Variants in C21orf58 observed in about 807,000 individuals in gnomAD.
C21orf58 encodes uncharacterized protein C21orf58.
In C21orf58, 34 loss-of-function variants were observed where a neutral mutation model predicts 35.8. That is an observed-to-expected ratio of 0.95 (90% CI 0.72 to 1.26). The LOEUF (loss-of-function observed/expected upper bound fraction) is 1.26. Among genes scored for constraint, C21orf58 ranks in the 50% most tolerant of loss-of-function variants. The pLI, the probability that C21orf58 is intolerant of heterozygous loss-of-function variation, is 0.00. For missense variants in C21orf58, 440 were observed against 414.3 expected (o/e 1.06, Z -0.54); for synonymous variants, 191 against 175.8 (o/e 1.09, Z -0.68).
chr21:46,301,404 C>T lies in C21orf58; in HGVS notation c.*595G>A, dbSNP rs1601618991. 1.1e-6 allele frequency: 1 copy of T among 899,178 alleles called. No individual in the cohort carries two copies. 55.7% of individuals were successfully genotyped at this position (899,178 alleles called of 1,614,324 possible). ...TCAAGTGATCCTCCTGCCTCAGCCT[C>T]TTAAAGTGCTGGGATTACAGGCATG... is the stretch of plus-strand genomic sequence containing the variant. On this transcript the variant is annotated 3_prime_UTR_variant, in exon 8 of 8. Coordinates refer to ENST00000291691, the MANE Select transcript of C21orf58 (RefSeq NM_058180.5).
intron 6 of C21orf58, 119 bp from the exon 7 acceptor site, chr21:46,302,695 G>A (rs904281970): frequency 3.7e-6 from 3 of 818,206 alleles, no homozygotes; most frequent in Admixed American, 2.2e-5. Flanking sequence ...GGTCCCCGGG[G>A]CAGGCTCTGA....
chr21:46,312,988 T>C lies in C21orf58; in HGVS notation c.610-1421A>G. Reference sequence around the variant, plus strand: ...ATATTCGAGCATGAAAGGCCTTCTGTTTTATCCTCTTCTAGCTGTGTGAGG... The same window carrying C: ...ATATTCGAGCATGAAAGGCCTTCTGCTTTATCCTCTTCTAGCTGTGTGAGG... On this transcript the variant is annotated intron_variant, in intron 5 of 7. Coordinates refer to ENST00000291691, the MANE Select transcript of C21orf58 (RefSeq NM_058180.5). The C allele has an allele frequency of 3.0e-6, 3 of 985,430 alleles. No homozygotes were observed. In the South Asian group the frequency reaches 1.4e-4, roughly 46 times the overall value. 61.0% of individuals were successfully genotyped at this position (985,430 alleles called of 1,614,324 possible). A position where few individuals can be genotyped will look rare whatever the true frequency, so the allele number is the denominator to read the frequency against.
chr21:46,318,691 G>A (rs887624616), intron 1 of C21orf58: 4 of 1,047,562 alleles, frequency 3.8e-6, no homozygotes, highest in Non-Finnish European at 4.6e-6. Flanking sequence ...GAAATTGCAG[G>A]CAGCAGAAGG....
chr21:46,313,758 C>T (rs2082845949), intron 5 of C21orf58, among the ~76,000 whole-genome samples: 1 of 152,150 alleles, frequency 6.6e-6, no homozygotes, highest in East Asian at 1.9e-4. Context: ...TCGGAGGCTC[C>T]CCTTCCCTCT....
chr21:46,301,465 G>A lies in C21orf58; in HGVS notation c.*534C>T, dbSNP rs1187757651. 2.5e-5 allele frequency: 22 copies of A among 869,096 alleles called. No individual in the cohort carries two copies. The highest frequency in any genetic ancestry group is 2.8e-5 in the Non-Finnish European group (22 of 781,360). The allele number at this position is 869,096 out of a possible 1,614,324, so 53.8% of individuals were successfully genotyped here. On this transcript the variant is annotated 3_prime_UTR_variant, in exon 8 of 8. Coordinates refer to ENST00000291691, the MANE Select transcript of C21orf58 (RefSeq NM_058180.5). ...CCCTACTTCTTTAGTGGGAGTCTGT[G>A]CCACAGCTGTGGACACAGGTGTCCC...
At chr21:46,312,981 C>G in intron 5 of C21orf58, 1 of 985,320 alleles carries the variant, frequency 1.0e-6, no homozygotes, top group Non-Finnish European at 1.2e-6. Flanking sequence ...GCATGAAAGG[C>G]CTTCTGTTTT....
Position 46,322,987 on chromosome 21 carries a change from CAAAG to C in C21orf58, c.-253_-250del. ...GCGCACGAACAGGCCCGGAGGACTA[CAAAG>C]AAACCCAGAAACCAGACTTGGACAC... On this transcript the variant is annotated 5_prime_UTR_variant, in exon 1 of 8. The change abolishes the stop of an existing upstream ORF in the 5' untranslated region. Coordinates refer to ENST00000291691, the MANE Select transcript of C21orf58 (RefSeq NM_058180.5). The C allele has an allele frequency of 2.9e-6, 1 of 347,642 alleles. No homozygotes were observed. Among genetic ancestry groups the C allele is most frequent in the Non-Finnish European group, 5.2e-6 (1 of 192,922 alleles). The allele number at this position is 347,642 out of a possible 1,614,324, so 21.5% of individuals were successfully genotyped here.
intron 6 of C21orf58, among the ~76,000 whole-genome samples, chr21:46,308,468 A>C (rs2082524870): frequency 6.6e-6 from 1 of 152,134 alleles, no homozygotes; most frequent in Non-Finnish European, 1.5e-5. Flanking sequence ...CTCAAAAAAA[A>C]AGAGTTAAAT....
chr21:46,312,980 G>T (rs2082807412), intron 5 of C21orf58: 7 of 985,178 alleles, frequency 7.1e-6, no homozygotes, highest in Admixed American at 1.2e-4. Context: ...AGCATGAAAG[G>T]CCTTCTGTTT....
chr21:46,322,656 CCT>C lies in C21orf58; in HGVS notation c.81_82del (p.Gly28ProfsTer12). The C allele has an allele frequency of 6.3e-7, 1 of 1,592,716 alleles. No homozygotes were observed. The highest frequency in any genetic ancestry group is 8.6e-7 in the Non-Finnish European group (1 of 1,169,298). ...CCGCTCACCACACAGAAGACTGTGG[CCT>C]GAGTCAGGAGAAGGAAGTTTCTGGC... On this transcript the variant is annotated frameshift_variant, in exon 1 of 8. Transcript: ENST00000291691. LOFTEE classifies it high-confidence loss of function.
At chr21:46,312,902 T>C in intron 5 of C21orf58, 1 of 697,186 alleles carries the variant, frequency 1.4e-6, no homozygotes, top group South Asian at 6.4e-5. Context: ...AGTACATATA[T>C]AGAACACGTC....
At chr21:46,317,963 CA>C (rs2083037632) in intron 2 of C21orf58, 48 bp downstream of exon 2, 1 of 1,600,482 alleles carries the variant, frequency 6.2e-7, no homozygotes, top group Non-Finnish European at 8.5e-7. Context: ...CCTCCAACGC[CA>C]CAGCCTGCGA....
intron 6 of C21orf58, among the ~76,000 whole-genome samples, chr21:46,305,867 G>A (rs1403350150): frequency 6.6e-6 from 1 of 152,018 alleles, no homozygotes; most frequent in Non-Finnish European, 1.5e-5. Context: ...GCGTGAACCT[G>A]GGGGGCAGAG....
intron 6 of C21orf58, among the ~76,000 whole-genome samples, chr21:46,303,571 G>A (rs911014180): frequency 3.5e-4 from 53 of 149,628 alleles, no homozygotes; most frequent in African/African-American, 1.3e-3. Context: ...AGCCAATAAG[G>A]CCAGGCACGG....
chr21:46,302,335 G>T, intron 7 of C21orf58, 150 bp downstream of exon 7: 1 of 1,130,510 alleles, frequency 8.8e-7, no homozygotes. Context: ...ATCTGGGCTG[G>T]GACTCGATGG....
chr21:46,309,797 C>T (rs2082590581), intron 6 of C21orf58, among the ~76,000 whole-genome samples: 1 of 151,952 alleles, frequency 6.6e-6, no homozygotes, highest in Non-Finnish European at 1.5e-5. Flanking sequence ...GAGTTCAAGA[C>T]CAGCCTGGCC....
intron 6 of C21orf58, among the ~76,000 whole-genome samples, chr21:46,310,236 G>T (rs2082615462): frequency 6.6e-6 from 1 of 151,688 alleles, no homozygotes; most frequent in African/African-American, 2.4e-5. Flanking sequence ...CAGCACTTTG[G>T]GAGGCCAAGG....
chr21:46,312,659 C>T (rs1049207837), intron 5 of C21orf58, among the ~76,000 whole-genome samples: 4 of 152,186 alleles, frequency 2.6e-5, no homozygotes, highest in African/African-American at 9.7e-5. Flanking sequence ...CATGAGCCAC[C>T]ATGCCCGGCC....
chr21:46,321,558 G>T (rs952658116), intron 1 of C21orf58, among the ~76,000 whole-genome samples: 1 of 152,142 alleles, frequency 6.6e-6, no homozygotes, highest in Admixed American at 6.5e-5. Context: ...GAAGAGTACT[G>T]GGCAGATATT....
Sources: gnomAD v4.1 joint callset for allele counts (sites outside exome capture counted in the v4.1 genomes callset) on GRCh38, gnomAD v4.1.1 for gene constraint, MANE v1.5 for transcripts, NCBI Gene and HGNC (gene_info 2026-07-23, HGNC 2026-07-21) for gene names.